DNAJB6: variants seen among roughly 807,000 people sequenced by gnomAD.
The protein encoded by DNAJB6 is dnaJ homolog subfamily B member 6.
DNAJB6 carries 16 observed loss-of-function variants against 42.7 expected under a neutral mutation model. The ratio of observed to expected loss-of-function variants is 0.37; its 90% CI spans 0.25 to 0.57. The LOEUF is 0.57. DNAJB6 is among the 20% of genes least tolerant of loss of function. DNAJB6 has a pLI of 0.74. For synonymous variants in DNAJB6, 170 were observed against 163.5 expected, an observed-to-expected ratio of 1.04 and a Z score of -0.30; for missense variants, 347 against 416.8, an observed-to-expected ratio of 0.83 and a Z score of 1.46.
At chr7:157,351,726 G>C (rs1346392593) in intron 1 of DNAJB6, among the ~76,000 whole-genome samples, 1 of 152,132 alleles carries the variant, frequency 6.6e-6, no homozygotes, top group Admixed American at 6.5e-5. Context: ...CACTTTGGTA[G>C]GCCAAGGTGG....
intron 1 of DNAJB6, among the ~76,000 whole-genome samples, chr7:157,353,565 C>T (rs995735220): frequency 1.4e-5 from 2 of 146,528 alleles, no homozygotes; most frequent in Non-Finnish European, 3.0e-5. Flanking sequence ...GGTTGTCTGT[C>T]CCGTTGTTTT....
intron 3 of DNAJB6, among the ~76,000 whole-genome samples, chr7:157,364,665 G>A (rs924522358): frequency 7.2e-5 from 11 of 152,128 alleles, no homozygotes; most frequent in African/African-American, 2.2e-4. Flanking sequence ...ATTCAGTATT[G>A]CCAGATTCAG....
intron 8 of DNAJB6, among the ~76,000 whole-genome samples, chr7:157,398,338 T>C (rs1801694012): frequency 6.6e-6 from 1 of 152,220 alleles, no homozygotes; most frequent in Non-Finnish European, 1.5e-5. Flanking sequence ...GTGGTATTCC[T>C]AATTTGTGTA....
At chr7:157,373,436 C>T (rs1180508016) in intron 5 of DNAJB6, among the ~76,000 whole-genome samples, 4 of 152,100 alleles carry the variant, frequency 2.6e-5, no homozygotes, top group Non-Finnish European at 5.9e-5. Context: ...CTGCAACTTC[C>T]GCCTCCCAGG....
At chr7:157,391,823 C>T (rs1393000099) in intron 8 of DNAJB6, among the ~76,000 whole-genome samples, 1 of 152,010 alleles carries the variant, frequency 6.6e-6, no homozygotes, top group African/African-American at 2.4e-5. Flanking sequence ...GGTAAGTTAC[C>T]AGGCGCAGTG....
At chr7:157,401,618 G>T (rs1297528043) in intron 8 of DNAJB6, among the ~76,000 whole-genome samples, 2 of 152,232 alleles carry the variant, frequency 1.3e-5, no homozygotes, top group African/African-American at 4.8e-5. Flanking sequence ...TGACATCTGT[G>T]TGTGAGTTTT....
intron 6 of DNAJB6, among the ~76,000 whole-genome samples, chr7:157,383,999 A>G (rs1373665477): frequency 1.3e-5 from 2 of 152,184 alleles, no homozygotes. Context: ...TGGTTCACAT[A>G]TTTCTTCAGG....
intron 1 of DNAJB6, among the ~76,000 whole-genome samples, chr7:157,345,427 A>T (rs894266626): frequency 6.6e-6 from 1 of 151,976 alleles, no homozygotes; most frequent in South Asian, 2.1e-4. Flanking sequence ...TGATCCTGCC[A>T]TTTCAGCCTC....
At chr7:157,390,421 C>T (rs1459836660) in intron 8 of DNAJB6, among the ~76,000 whole-genome samples, 1 of 152,224 alleles carries the variant, frequency 6.6e-6, no homozygotes, top group East Asian at 1.9e-4. Context: ...AACAGGGCAG[C>T]GCTGTCATCC....
chr7:157,362,901 C>G (rs1799674804), intron 2 of DNAJB6, among the ~76,000 whole-genome samples: 1 of 152,216 alleles, frequency 6.6e-6, no homozygotes, highest in Non-Finnish European at 1.5e-5. Context: ...CCTTGAACTC[C>G]TGGCCTCAAG....
intron 8 of DNAJB6, among the ~76,000 whole-genome samples, chr7:157,401,829 C>T (rs922271609): frequency 2.6e-5 from 4 of 152,176 alleles, no homozygotes; most frequent in African/African-American, 7.2e-5. Context: ...GCCCTCCTGC[C>T]GCCGTCTCCA....
At chr7:157,375,991 A>T (rs1800452047) in intron 5 of DNAJB6, among the ~76,000 whole-genome samples, 1 of 152,050 alleles carries the variant, frequency 6.6e-6, no homozygotes, top group Admixed American at 6.6e-5. Context: ...GTGGGTCCTG[A>T]AATCATGACA....
chr7:157,394,891 C>T (rs188506305), intron 8 of DNAJB6, among the ~76,000 whole-genome samples: 41 of 152,288 alleles, frequency 2.7e-4, no homozygotes, highest in African/African-American at 9.4e-4. Context: ...ATTGCTTGAG[C>T]CCAGCCTGGG....
intron 8 of DNAJB6, among the ~76,000 whole-genome samples, chr7:157,390,292 T>C (rs1258064704): frequency 1.3e-5 from 2 of 152,236 alleles, no homozygotes; most frequent in African/African-American, 4.8e-5. Context: ...CGTCTTGGCT[T>C]TACAAAGATT....
At chr7:157,349,705 C>T (rs1315575362) in intron 1 of DNAJB6, among the ~76,000 whole-genome samples, 1 of 152,138 alleles carries the variant, frequency 6.6e-6, no homozygotes, top group Non-Finnish European at 1.5e-5. Flanking sequence ...AGTGCAGTGG[C>T]ATGATCTCAG....
intron 1 of DNAJB6, among the ~76,000 whole-genome samples, chr7:157,353,359 C>A (rs1799096442): frequency 6.6e-6 from 1 of 152,120 alleles, no homozygotes; most frequent in South Asian, 2.1e-4. Flanking sequence ...ACCATTCACC[C>A]AACTTCCCTT....
At chr7:157,337,577 C>G (rs943993274) in intron 1 of DNAJB6, 2 of 151,088 alleles carry the variant, frequency 1.3e-5, no homozygotes, top group African/African-American at 4.8e-5. Context: ...GAGTGGCTTG[C>G]GGAGCAGGAA....
chr7:157,372,825 G>T (rs1042577831), intron 5 of DNAJB6, among the ~76,000 whole-genome samples: 2 of 152,156 alleles, frequency 1.3e-5, no homozygotes, highest in African/African-American at 4.8e-5. Context: ...CTGAGGCTGA[G>T]ATGTGTCCCG....
intron 1 of DNAJB6, among the ~76,000 whole-genome samples, chr7:157,342,558 G>A (rs1355830493): frequency 6.6e-6 from 1 of 152,030 alleles, no homozygotes; most frequent in African/African-American, 2.4e-5. Flanking sequence ...CTGACCTCAG[G>A]TCATCCGCCT....
Sources: gnomAD v4.1 joint callset for allele counts (sites outside exome capture counted in the v4.1 genomes callset) on GRCh38, gnomAD v4.1.1 for gene constraint, MANE v1.5 for transcripts, NCBI Gene and HGNC (gene_info 2026-07-23, HGNC 2026-07-21) for gene names.